TMEM135: variants seen among roughly 807,000 people sequenced by gnomAD.
TMEM135 encodes transmembrane protein 135.
A neutral mutation model predicts 60.3 loss-of-function variants in TMEM135; 30 were observed. The observed-to-expected ratio is 0.50, with a 90% CI of 0.37 to 0.68. TMEM135 has a LOEUF of 0.68. TMEM135 is among the 30% of genes least tolerant of loss of function. The pLI, the probability that TMEM135 is intolerant of heterozygous loss-of-function variation, is 0.00. For synonymous variants in TMEM135, 190 were observed against 186.7 expected (o/e 1.02, Z -0.14); for missense variants, 468 against 548.8 (o/e 0.85, Z 1.47).
chr11:87,283,402 C>A (rs1319944147), intron 6 of TMEM135, among the ~76,000 whole-genome samples: 1 of 151,396 alleles, frequency 6.6e-6, no homozygotes, highest in African/African-American at 2.4e-5. Context: ...GTTTTTGCTC[C>A]ATTACTAGGA....
At chr11:87,297,910 A>G (rs1020637356) in intron 7 of TMEM135, among the ~76,000 whole-genome samples, 5 of 152,212 alleles carry the variant, frequency 3.3e-5, no homozygotes, top group Non-Finnish European at 5.9e-5. Flanking sequence ...TATATGGTGA[A>G]TATGGACTCA....
Position 87,188,789 on chromosome 11 carries a change from C to T in TMEM135, c.462+31383C>T, listed in dbSNP as rs974745753. 2.2e-4 allele frequency among the ~76,000 whole-genome samples: 34 copies of T among 151,522 alleles called. 1 individual carries two copies. The highest frequency in any genetic ancestry group is 1.0e-3 in the South Asian group (5 of 4,804). ...ATGTAAAAATGTATAAAGTAAAAAACGAGTATCCCTGTTTTTTCACTCTTT... is the reference window on the plus strand; with the variant it reads ...ATGTAAAAATGTATAAAGTAAAAAATGAGTATCCCTGTTTTTTCACTCTTT... On this transcript the variant is annotated intron_variant, in intron 5 of 14. Transcript: ENST00000305494.
intron 4 of TMEM135, among the ~76,000 whole-genome samples, chr11:87,110,578 T>G (rs1364024580): frequency 6.6e-6 from 1 of 152,176 alleles, no homozygotes; most frequent in Non-Finnish European, 1.5e-5. Flanking sequence ...TTGGTGATTA[T>G]TACAAAGACT....
At chr11:87,125,916 T>A (rs1937712268) in intron 4 of TMEM135, among the ~76,000 whole-genome samples, 1 of 152,236 alleles carries the variant, frequency 6.6e-6, no homozygotes, top group Non-Finnish European at 1.5e-5. Context: ...GTTTAACTCC[T>A]AAAATTTATA....
chr11:87,075,701 G>A (rs1034726148), intron 3 of TMEM135, among the ~76,000 whole-genome samples: 2 of 152,142 alleles, frequency 1.3e-5, no homozygotes, highest in East Asian at 3.9e-4. Context: ...TGATTTGTCT[G>A]AGTTATTTCT....
chr11:87,114,228 A>C (rs80014907), intron 4 of TMEM135, among the ~76,000 whole-genome samples: 2,297 of 152,238 alleles, frequency 0.015, 63 homozygotes, highest in African/African-American at 0.053. Context: ...AGAAACAGTG[A>C]AACCAACTCA....
chr11:87,318,295 C>G, intron 13 of TMEM135, 60 bp downstream of exon 13: 2 of 1,155,272 alleles, frequency 1.7e-6, no homozygotes, highest in Admixed American at 3.4e-5. Flanking sequence ...GTACGTTAAT[C>G]AAATGGGAGA....
chr11:87,197,036 G>A (rs935340937), intron 5 of TMEM135, among the ~76,000 whole-genome samples: 1 of 151,908 alleles, frequency 6.6e-6, no homozygotes, highest in Non-Finnish European at 1.5e-5. Context: ...AAAACTTATA[G>A]TACCAAAATA....
intron 5 of TMEM135, among the ~76,000 whole-genome samples, chr11:87,188,040 TC>T (rs2135312213): frequency 6.6e-6 from 1 of 152,340 alleles, no homozygotes; most frequent in South Asian, 2.1e-4. Flanking sequence ...TATTCAGAAT[TC>T]CCACTTACAA....
chr11:87,091,031 T>C (rs1857194037), intron 3 of TMEM135, among the ~76,000 whole-genome samples: 1 of 152,064 alleles, frequency 6.6e-6, no homozygotes. Flanking sequence ...AAAATTTAGA[T>C]TTCTCTAGCA....
At chr11:87,297,247 T>C (rs868114187) in intron 7 of TMEM135, among the ~76,000 whole-genome samples, 4 of 152,170 alleles carry the variant, frequency 2.6e-5, no homozygotes, top group African/African-American at 9.7e-5. Flanking sequence ...CAGCCACGTA[T>C]TGAAAACCAA....
At position 87,124,573 on chromosome 11, in the gene TMEM135, C is replaced by G. The variant is rs149811975; in HGVS notation, c.397-32768C>G. Among the ~76,000 whole-genome samples, 1,180 of 152,180 alleles carry G rather than the reference C, an allele frequency of 7.8e-3. 31 individuals carry two copies. In the South Asian group the frequency reaches 0.085, roughly 11 times the overall value. On this transcript the variant is annotated intron_variant, in intron 4 of 14. Transcript: ENST00000305494. ...GACATTTTTTGAGTCAAGTGACATT[C>G]ATGAGGCTTCTCTGTGTCATAAAGG... is the stretch of plus-strand genomic sequence containing the variant.
At chr11:87,060,618 G>A (rs978220073) in intron 1 of TMEM135, among the ~76,000 whole-genome samples, 8 of 151,152 alleles carry the variant, frequency 5.3e-5, no homozygotes, top group Admixed American at 1.3e-4. Context: ...GAGTAACTTC[G>A]TCTCTCTGTA....
intron 5 of TMEM135, among the ~76,000 whole-genome samples, chr11:87,182,511 G>T (rs1308643091): frequency 6.6e-6 from 1 of 152,072 alleles, no homozygotes; most frequent in African/African-American, 2.4e-5. Flanking sequence ...GAATCTCCTT[G>T]CATCACTAAC....
chr11:87,321,157 A>G (rs1287916138), intron 14 of TMEM135, 44 bp from the exon 15 acceptor site: 2 of 1,516,970 alleles, frequency 1.3e-6, no homozygotes, highest in African/African-American at 1.4e-5. Context: ...ATTTTATTTT[A>G]TAAACTATAT....
At chr11:87,311,638 G>A (rs1942642624) in intron 10 of TMEM135, among the ~76,000 whole-genome samples, 1 of 151,792 alleles carries the variant, frequency 6.6e-6, no homozygotes, top group Admixed American at 6.6e-5. Context: ...ACAAACAAAT[G>A]GTATTAAAGT....
intron 4 of TMEM135, among the ~76,000 whole-genome samples, chr11:87,149,916 A>T (rs957857751): frequency 2.6e-5 from 4 of 152,182 alleles, no homozygotes; most frequent in Admixed American, 1.3e-4. Context: ...ATTTACATGT[A>T]GTTTAAAAGT....
At chr11:87,042,668 G>A (rs117428464) in intron 1 of TMEM135, among the ~76,000 whole-genome samples, 1,603 of 152,230 alleles carry the variant, frequency 0.011, 16 homozygotes, top group South Asian at 0.042. Context: ...GTTTTCTGGA[G>A]CCTATAAAAT....
At chr11:87,204,309 A>C (rs1197749660) in intron 5 of TMEM135, among the ~76,000 whole-genome samples, 5 of 152,058 alleles carry the variant, frequency 3.3e-5, no homozygotes, top group Admixed American at 2.0e-4. Flanking sequence ...CCTAGTTTGC[A>C]AGGCCATCTG....
Sources: gnomAD v4.1 joint callset for allele counts (sites outside exome capture counted in the v4.1 genomes callset) on GRCh38, gnomAD v4.1.1 for gene constraint, MANE v1.5 for transcripts, NCBI Gene and HGNC (gene_info 2026-07-23, HGNC 2026-07-21) for gene names.